The following PCLO variants were observed in gnomAD, a reference collection of about 807,000 sequenced individuals.
PCLO encodes piccolo presynaptic cytomatrix protein.
In PCLO, 82 loss-of-function variants were observed where a neutral mutation model predicts 427.5. The observed-to-expected ratio is 0.19, with a 90% CI of 0.16 to 0.23. The LOEUF is 0.23. Ranked by LOEUF, PCLO falls within the 10% of genes least tolerant of loss-of-function variation. PCLO has a pLI of 1.00. For missense variants in PCLO, 6,239 were observed against 6,115.9 expected (o/e 1.02, Z -0.67); for synonymous variants, 2,357 against 2,155.4 (o/e 1.09, Z -2.59).
intron 9 of PCLO, among the ~76,000 whole-genome samples, chr7:82,887,811 G>GA (rs139669618): frequency 0.08 from 12,192 of 152,144 alleles, 599 homozygotes; most frequent in African/African-American, 0.12. Context: ...GGCTTACAAT[G>GA]AAAAAGCGAA....
At chr7:83,054,205 T>C (rs1789321579) in intron 3 of PCLO, among the ~76,000 whole-genome samples, 1 of 151,988 alleles carries the variant, frequency 6.6e-6, no homozygotes, top group South Asian at 2.1e-4. Context: ...AGAAAAAAAT[T>C]CTACCTTTTC....
intron 3 of PCLO, among the ~76,000 whole-genome samples, chr7:82,989,341 G>T (rs919450897): frequency 6.6e-6 from 1 of 151,970 alleles, no homozygotes; most frequent in Admixed American, 6.6e-5. Context: ...GTTAAGAAAG[G>T]TTCTACCATT....
intron 3 of PCLO, among the ~76,000 whole-genome samples, chr7:83,021,480 G>GT (rs995424555): frequency 9.9e-5 from 15 of 151,504 alleles, no homozygotes; most frequent in Non-Finnish European, 1.6e-4. Flanking sequence ...GAGATAAAAG[G>GT]TTTTTTTTTA....
chr7:83,038,006 TA>T (rs1297567392), intron 3 of PCLO, among the ~76,000 whole-genome samples: 1 of 41,390 alleles, frequency 2.4e-5, no homozygotes, highest in African/African-American at 1.6e-4. Context: ...TATATATATA[TA>T]TATATATATA....
intron 8 of PCLO, among the ~76,000 whole-genome samples, chr7:82,904,174 CT>C (rs1794125145): frequency 6.6e-6 from 1 of 152,016 alleles, no homozygotes; most frequent in South Asian, 2.1e-4. Context: ...CTAATGCTAA[CT>C]TTGTAAACCA....
Position 82,805,758 on chromosome 7 carries a change from C to T in PCLO, c.14863G>A (p.Gly4955Arg), listed in dbSNP as rs1562794367. The T allele has an allele frequency of 1.2e-6, 2 of 1,612,098 alleles. No homozygotes were observed. The highest frequency in any genetic ancestry group is 3.3e-5 in the Admixed American group (2 of 59,764). ...CTTCCTTCACTGTCCACGCTATACC[C>T]ACTGCCAAAGCTGCTGCCCGAGGAG... Reference protein sequence around the residue: ...TGSSGSSFGSGYSVDSEGSSS... With the variant: ...TGSSGSSFGSRYSVDSEGSSS... Residue 4955 changes from glycine to arginine, a missense_variant, in exon 21 of 25, where the codon GGG becomes AGG. Coordinates refer to ENST00000333891, the MANE Select transcript of PCLO (RefSeq NM_033026.6).
intron 10 of PCLO, among the ~76,000 whole-genome samples, chr7:82,858,825 A>G (rs1792875739): frequency 6.6e-6 from 1 of 152,192 alleles, no homozygotes; most frequent in Admixed American, 6.6e-5. Flanking sequence ...GACACAAATA[A>G]TAGAAAAAAT....
In PCLO at chr7:82,955,536, T is replaced by G; in HGVS notation, c.5417A>C (p.Lys1806Thr). 6.2e-7 allele frequency: 1 copy of G among 1,613,960 alleles called. No homozygotes were observed. Residue 1806 changes from lysine (K) to threonine (T), a missense_variant, in exon 5 of 25, where the codon AAA becomes ACA. Physicochemically the swap from Lys to Thr is moderately conservative, Grantham distance 78. Transcript: ENST00000333891. ...EQQQRKSSSK[K>T]SKKDKDELRA... is the part of the protein sequence containing the mutation. ...AAGTTCATCTTTGTCTTTCTTTGAT[T>G]TTTTACTAGAACTCTTTCTTTGTTG...
In PCLO at chr7:82,768,203, A is replaced by G. The variant is rs150560634; in HGVS notation, c.15008-6710T>C. Among the ~76,000 whole-genome samples, 194 of 152,228 alleles carry G rather than the reference A, an allele frequency of 1.3e-3. 1 individual carries two copies. The highest frequency in any genetic ancestry group is 3.5e-3 in the Admixed American group (54 of 15,268). Reference sequence around the variant, plus strand: ...TTTGGGAGGCACAACTGGATGGATCATTTGAGGACAGGAGTTCGAGACCAG... The same window carrying G: ...TTTGGGAGGCACAACTGGATGGATCGTTTGAGGACAGGAGTTCGAGACCAG... On this transcript the variant is annotated intron_variant, in intron 22 of 24. Coordinates refer to ENST00000333891, the MANE Select transcript of PCLO (RefSeq NM_033026.6).
In PCLO at chr7:82,840,977, T is replaced by C. The variant is rs552137727; in HGVS notation, c.14097+482A>G. On this transcript the variant is annotated intron_variant, in intron 14 of 24. Transcript: ENST00000333891. ...ATTTTTATATATTTTTCTTTATCTA[T>C]TTTTATTTTATTTTCCTGATGAAAA... Among the ~76,000 whole-genome samples the C allele has an allele frequency of 3.3e-5, 5 of 151,730 alleles. No homozygotes were observed. In the South Asian group the frequency reaches 1.0e-3, roughly 31 times the overall value.
chr7:82,802,470 C>G (rs555066402), intron 21 of PCLO, among the ~76,000 whole-genome samples: 1 of 152,158 alleles, frequency 6.6e-6, no homozygotes, highest in South Asian at 2.1e-4. Flanking sequence ...GGACTGTAAG[C>G]TTAGAATGTT....
chr7:82,815,216 CTA>C (rs1277997407), intron 20 of PCLO, among the ~76,000 whole-genome samples: 2 of 151,840 alleles, frequency 1.3e-5, no homozygotes, highest in African/African-American at 2.4e-5. Flanking sequence ...AAGAAAATAA[CTA>C]TGTTATTGTG....
At chr7:82,925,496 C>T (rs1172134581) in intron 6 of PCLO, among the ~76,000 whole-genome samples, 3 of 152,028 alleles carry the variant, frequency 2.0e-5, no homozygotes. Flanking sequence ...GGGGTCCCCA[C>T]CTGCACTCCA....
intron 3 of PCLO, among the ~76,000 whole-genome samples, chr7:83,066,624 A>C (rs1172749368): frequency 6.6e-6 from 1 of 152,144 alleles, no homozygotes; most frequent in East Asian, 1.9e-4. Context: ...TATACCTTTA[A>C]TTATGTTAGA....
intron 20 of PCLO, among the ~76,000 whole-genome samples, chr7:82,809,801 G>T (rs1224811389): frequency 1.3e-5 from 2 of 150,800 alleles, no homozygotes; most frequent in Non-Finnish European, 3.0e-5. Context: ...ATTTTTTTTA[G>T]CTTTTAAAAT....
chr7:82,789,309 T>G (rs1270151553), intron 22 of PCLO, among the ~76,000 whole-genome samples: 1 of 152,210 alleles, frequency 6.6e-6, no homozygotes, highest in African/African-American at 2.4e-5. Flanking sequence ...TTGATTCAAT[T>G]AGATTCTTAA....
At chr7:82,892,989 T>C (rs1205156479) in intron 9 of PCLO, among the ~76,000 whole-genome samples, 2 of 152,166 alleles carry the variant, frequency 1.3e-5, no homozygotes, top group Non-Finnish European at 2.9e-5. Flanking sequence ...CTGTAAACTG[T>C]TCAACCATTG....
At position 82,758,683 on chromosome 7, in the gene PCLO, C is replaced by T; in HGVS notation, c.15321G>A (p.Met5107Ile). ...ILLFSNGGKF[M>I]KKTLIGEACI... is the part of the protein sequence containing the mutation. ...AGGCTTCACCAATCAAGGTCTTTTT[C>T]ATAAACTTCCCTCCATTGGAGAAAA... The change falls in exon 25 of 25, where the codon ATG (methionine) becomes ATA (isoleucine). Residue 5107 changes from methionine to isoleucine, a missense_variant. Physicochemically the swap from Met to Ile is conservative, Grantham distance 10. Around this residue, in one of 5 missense-constraint regions of PCLO, gnomAD observed 877 missense variants for 925.5 expected, o/e 0.95. Coordinates refer to ENST00000333891, the MANE Select transcript of PCLO (RefSeq NM_033026.6). 2 of 1,605,928 alleles carry T rather than the reference C, an allele frequency of 1.2e-6. No individual in the cohort carries two copies. Among genetic ancestry groups the T allele is most frequent in the Non-Finnish European group, 1.7e-6 (2 of 1,173,920 alleles).
At position 82,826,633 on chromosome 7, in the gene PCLO, C is replaced by A; in HGVS notation, c.14371G>T (p.Val4791Phe). 1 of 1,607,136 alleles carries A rather than the reference C, an allele frequency of 6.2e-7. No homozygotes were observed. ...QLKKKTLEVT[V>F]WDYDRFSSND... ...GATGAAAATCTATCATAATCCCAAA[C>A]TGTCACCTCCAGTGTTTTCTTCTTG... Residue 4791 changes from valine (V) to phenylalanine (F), a missense_variant, in exon 18 of 25, where the codon GTT becomes TTT. Val to Phe is a conservative substitution (Grantham distance 50). Coordinates refer to ENST00000333891, the MANE Select transcript of PCLO (RefSeq NM_033026.6).
Sources: allele counts gnomAD v4.1 joint callset (sites outside exome capture counted in the v4.1 genomes callset), GRCh38; gene constraint gnomAD v4.1.1; regional missense constraint gnomAD v4.1.1; transcripts MANE v1.5; gene names NCBI Gene and HGNC (gene_info 2026-07-23, HGNC 2026-07-21).